The following ARHGEF10 variants were observed in gnomAD, a reference collection of about 807,000 sequenced individuals.
The protein encoded by ARHGEF10 is Rho guanine nucleotide exchange factor 10, also known as Rho guanine nucleotide exchange factor (GEF) 10.
ARHGEF10 carries 140 observed loss-of-function variants against 147.4 expected under a neutral mutation model. The ratio of observed to expected loss-of-function variants is 0.95; its 90% CI spans 0.83 to 1.09. The LOEUF is 1.09. ARHGEF10 is among the 50% of genes least tolerant of loss of function. The probability of loss-of-function intolerance (pLI) is 0.00; values close to 1 mark genes in which losing one functional copy is unlikely to be tolerated. For synonymous variants in ARHGEF10, 902 were observed against 695.8 expected (o/e 1.30, Z -4.67); for missense variants, 2,222 against 1,752.7 (o/e 1.27, Z -4.78).
rs1045431238 is a variant in ARHGEF10 at position 1,928,278 on chromosome 8, T to C, written c.2698-149T>C. 1.7e-5 allele frequency: 13 copies of C among 748,308 alleles called. No individual in the cohort carries two copies. The Admixed American group carries it at 3.0e-4, about 17-fold the overall frequency. The allele number at this position is 748,308 out of a possible 1,614,324, so 46.4% of individuals were successfully genotyped here. A position where few individuals can be genotyped will look rare whatever the true frequency, so the allele number is the denominator to read the frequency against. ...AAAGAAAAAGGGGCTCTGTGAGCAATTGTTTAAGAATTTTTTTTTATTTTT... is the reference window on the plus strand; with the variant it reads ...AAAGAAAAAGGGGCTCTGTGAGCAACTGTTTAAGAATTTTTTTTTATTTTT... On this transcript the variant is annotated intron_variant, in intron 23 of 28. Coordinates refer to ENST00000349830, the MANE Select transcript of ARHGEF10 (RefSeq NM_014629.4).
intron 2 of ARHGEF10, among the ~76,000 whole-genome samples, chr8:1,850,354 G>A (rs1306649732): frequency 3.6e-5 from 5 of 140,790 alleles, no homozygotes; most frequent in African/African-American, 5.6e-5. Context: ...GGCAAATGCC[G>A]AGGAGGGTGT....
intron 27 of ARHGEF10, among the ~76,000 whole-genome samples, chr8:1,950,484 T>C (rs1585658799): frequency 6.6e-6 from 1 of 152,196 alleles, no homozygotes; most frequent in East Asian, 1.9e-4. Context: ...GTTAAAAACA[T>C]TCATATCGGG....
chr8:1,906,599 G>T (rs558014097), intron 17 of ARHGEF10, among the ~76,000 whole-genome samples: 1 of 152,278 alleles, frequency 6.6e-6, no homozygotes, highest in South Asian at 2.1e-4. Context: ...GACCCAGGCA[G>T]CGAGGGTGTG....
chr8:1,927,294 C>T (rs961908724), intron 23 of ARHGEF10: 2 of 152,364 alleles, frequency 1.3e-5, no homozygotes, highest in African/African-American at 4.8e-5. Flanking sequence ...AGCCCCCAGG[C>T]CCTGTAGGCA....
At chr8:1,901,235 A>G (rs1360244198) in intron 15 of ARHGEF10, among the ~76,000 whole-genome samples, 2 of 152,128 alleles carry the variant, frequency 1.3e-5, no homozygotes, top group African/African-American at 4.8e-5. Flanking sequence ...CTTCTGCCGT[A>G]GTCCGTGTGC....
chr8:1,852,632 G>A (rs60502568), intron 2 of ARHGEF10, among the ~76,000 whole-genome samples: 1 of 152,160 alleles, frequency 6.6e-6, no homozygotes, highest in Non-Finnish European at 1.5e-5. Context: ...TTTGCATATA[G>A]GCATAACTTA....
chr8:1,952,304 C>CT (rs1207670067), intron 27 of ARHGEF10, among the ~76,000 whole-genome samples: 9 of 152,356 alleles, frequency 5.9e-5, no homozygotes, highest in Non-Finnish European at 1.0e-4. Flanking sequence ...AAAGGGGTCT[C>CT]TCTGCTCCCA....
rs1428554971 is a variant in ARHGEF10, at chr8:1,864,455, C to A, written c.545+19C>A. ...CAACCAGGTATCTGCATCCGTCTTCCCACACCTGCTGAATTCCCGCCTTTC... is the reference window on the plus strand; with the variant it reads ...CAACCAGGTATCTGCATCCGTCTTCACACACCTGCTGAATTCCCGCCTTTC... On this transcript the variant is annotated intron_variant, in intron 5 of 28. Transcript: ENST00000349830. 3 of 1,610,892 alleles carry A rather than the reference C, an allele frequency of 1.9e-6. No homozygotes were observed. In the South Asian group the frequency reaches 3.3e-5, roughly 18 times the overall value.
chr8:1,850,473 G>C (rs967888603), intron 2 of ARHGEF10, among the ~76,000 whole-genome samples: 1 of 150,834 alleles, frequency 6.6e-6, no homozygotes, highest in African/African-American at 2.4e-5. Context: ...CGTGGGCATG[G>C]ACGGCAAGTG....
chr8:1,833,063 C>CAGAGGG (rs1563149496), intron 1 of ARHGEF10, among the ~76,000 whole-genome samples: 1 of 2,272 alleles, frequency 4.4e-4, no homozygotes. Flanking sequence ...CAGAGAGAGA[C>CAGAGGG]AGAGACAGAG....
chr8:1,831,179 G>T (rs1457604697), intron 1 of ARHGEF10, among the ~76,000 whole-genome samples: 3 of 151,976 alleles, frequency 2.0e-5, no homozygotes, highest in Non-Finnish European at 4.4e-5. Context: ...AGCTGTAGCA[G>T]ACAGGGTGAT....
At chr8:1,919,775 A>ATGGGTGATGGAGCTGTTCTG (rs1403571888) in intron 18 of ARHGEF10, among the ~76,000 whole-genome samples, 159 of 76,430 alleles carry the variant, frequency 2.1e-3, no homozygotes, top group Non-Finnish European at 1.2e-3. Context: ...GAGCTGTTCT[A>ATGGGTGATGGAGCTGTTCTG]TGGGTGATGG....
intron 27 of ARHGEF10, among the ~76,000 whole-genome samples, chr8:1,946,953 G>T (rs1424868057): frequency 1.3e-5 from 2 of 152,204 alleles, no homozygotes; most frequent in African/African-American, 4.8e-5. Context: ...AAATACTACA[G>T]GAGATTTCTC....
At position 1,923,214 on chromosome 8, in the gene ARHGEF10, C is replaced by T. The variant is rs561503665; in HGVS notation, c.2259+135C>T. On this transcript the variant is annotated intron_variant, in intron 19 of 28. Transcript: ENST00000349830. The stretch of plus-strand genomic sequence containing the variant: ...AAAAATTAATCTGAATGTACATTTT[C>T]TCTTACGTTAGATAAGGTGAGACTA... The T allele has an allele frequency of 1.6e-4, 139 of 882,224 alleles. No individual in the cohort carries two copies. The African/African-American group carries it at 2.2e-3, about 14-fold the overall frequency. The allele number at this position is 882,224 out of a possible 1,614,324, so 54.6% of individuals were successfully genotyped here. A position where few individuals can be genotyped will look rare whatever the true frequency, so the allele number is the denominator to read the frequency against.
intron 1 of ARHGEF10, among the ~76,000 whole-genome samples, chr8:1,835,105 C>T (rs1016147427): frequency 7.9e-5 from 12 of 152,354 alleles, no homozygotes; most frequent in Non-Finnish European, 1.6e-4. Context: ...ATCCCACGCT[C>T]CTGCATTCTG....
intron 8 of ARHGEF10, among the ~76,000 whole-genome samples, chr8:1,878,196 T>G (rs1475978049): frequency 5.1e-5 from 2 of 39,226 alleles, no homozygotes; most frequent in Admixed American, 6.1e-4. Context: ...TTTTTCGGGT[T>G]TTTTTTTTCT....
rs13265157 is a variant in ARHGEF10, at chr8:1,850,188, C to T, written c.37+6752C>T. ...CACAGAGGGCAAATGCTGAGGAGGG[C>T]GTGGGGCGGCCACATGGGCATGGAT... On this transcript the variant is annotated intron_variant, in intron 2 of 28. Coordinates refer to ENST00000349830, the MANE Select transcript of ARHGEF10 (RefSeq NM_014629.4). Among the ~76,000 whole-genome samples, 562 of 116,042 alleles carry T rather than the reference C, an allele frequency of 4.8e-3. 43 individuals are homozygous for T. Among genetic ancestry groups the T allele is most frequent in the Non-Finnish European group, 6.4e-3 (338 of 52,962 alleles). The allele number at this position is 116,042 out of a possible 152,430, so 76.1% of individuals were successfully genotyped here. A position where few individuals can be genotyped will look rare whatever the true frequency, so the allele number is the denominator to read the frequency against.
chr8:1,902,399 A>C (rs1810539072), intron 15 of ARHGEF10, among the ~76,000 whole-genome samples: 1 of 152,002 alleles, frequency 6.6e-6, no homozygotes, highest in Non-Finnish European at 1.5e-5. Context: ...GCAGTGCGTC[A>C]TTTTTTGCTG....
intron 2 of ARHGEF10, among the ~76,000 whole-genome samples, chr8:1,850,022 C>CCATG (rs1804942620): frequency 1.2e-5 from 1 of 83,492 alleles, no homozygotes. Context: ...CGTGGGCCGG[C>CCATG]TGCATGGACA....
Sources: allele counts gnomAD v4.1 joint callset (sites outside exome capture counted in the v4.1 genomes callset), GRCh38; gene constraint gnomAD v4.1.1; transcripts MANE v1.5; gene names NCBI Gene and HGNC (gene_info 2026-07-23, HGNC 2026-07-21).